SGIP1: variants seen among roughly 807,000 people sequenced by gnomAD.
The protein encoded by SGIP1 is SH3GL interacting endocytic adaptor 1.
In SGIP1, 38 loss-of-function variants were observed where a neutral mutation model predicts 107.5. That is an observed-to-expected ratio of 0.35 (90% CI 0.27 to 0.46). The LOEUF (loss-of-function observed/expected upper bound fraction) is 0.46. Ranked by LOEUF, SGIP1 falls within the 20% of genes least tolerant of loss-of-function variation. The pLI is 1.00. For synonymous variants in SGIP1, 365 were observed against 366.1 expected, an observed-to-expected ratio of 1.00 and a Z score of 0.03; for missense variants, 929 against 1,019.5, an observed-to-expected ratio of 0.91 and a Z score of 1.21.
chr1:66,720,061 T>A (rs2093446674), intron 19 of SGIP1, among the ~76,000 whole-genome samples: 1 of 152,246 alleles, frequency 6.6e-6, no homozygotes. Context: ...TTGGTCTGAA[T>A]GCATATGTGA....
rs374098261 is a variant in SGIP1, at chr1:66,608,934, C to T, written c.11-16913C>T. 4.0e-5 allele frequency among the ~76,000 whole-genome samples: 6 copies of T among 148,684 alleles called. No individual in the cohort carries two copies. The East Asian group carries it at 7.9e-4, about 19-fold the overall frequency. On this transcript the variant is annotated intron_variant, in intron 1 of 24. Transcript: ENST00000371037. ...GTAGATTAGCAAGTAAGTATTTAGTCGAGGTTTTTTTTCTCAGTAATGGAG... is the reference window on the plus strand; with the variant it reads ...GTAGATTAGCAAGTAAGTATTTAGTTGAGGTTTTTTTTCTCAGTAATGGAG...
chr1:66,742,977 C>T, intron 24 of SGIP1, 96 bp from the exon 25 acceptor site: 1 of 1,260,210 alleles, frequency 7.9e-7, no homozygotes, highest in Non-Finnish European at 1.2e-6. Context: ...TATCTGGCTC[C>T]TAGGGGTAGG....
chr1:66,712,396 A>C (rs1378736955), intron 18 of SGIP1, among the ~76,000 whole-genome samples: 1 of 152,180 alleles, frequency 6.6e-6, no homozygotes, highest in East Asian at 1.9e-4. Context: ...GAGAAAGTGC[A>C]CAGGAAGGGG....
rs1159283010 is a variant in SGIP1, at chr1:66,744,856, T to C, written c.*1761T>C. On this transcript the variant is annotated 3_prime_UTR_variant, in exon 25 of 25. Coordinates refer to ENST00000371037, the MANE Select transcript of SGIP1 (RefSeq NM_032291.4). Reference sequence around the variant, plus strand: ...TTGAAGTTTCTTTGAACGAACTAAATATACTCATTTTATGTAAAGGTATCC... The same window carrying C: ...TTGAAGTTTCTTTGAACGAACTAAACATACTCATTTTATGTAAAGGTATCC... The C allele has an allele frequency of 5.2e-5, 8 of 152,448 alleles. No individual in the cohort carries two copies. Among genetic ancestry groups the C allele is most frequent in the Non-Finnish European group, 7.4e-5 (5 of 67,920 alleles). 9.4% of individuals were successfully genotyped at this position (152,448 alleles called of 1,614,324 possible). A position where few individuals can be genotyped will look rare whatever the true frequency, so the allele number is the denominator to read the frequency against.
chr1:66,678,293 T>C (rs17129327), intron 13 of SGIP1, among the ~76,000 whole-genome samples: 10,200 of 152,192 alleles, frequency 0.067, 1,067 homozygotes, highest in African/African-American at 0.22. Context: ...ATGAATTGTT[T>C]ATGGAGGTGA....
intron 1 of SGIP1, among the ~76,000 whole-genome samples, chr1:66,537,070 C>T (rs114995638): frequency 6.6e-6 from 1 of 152,268 alleles, no homozygotes; most frequent in Non-Finnish European, 1.5e-5. Flanking sequence ...ATGTTACTAC[C>T]TCCTCAGTGA....
rs1461657516 is a variant in SGIP1 at position 66,716,011 on chromosome 1, C to G, written c.1631-3283C>G. 2.0e-5 allele frequency among the ~76,000 whole-genome samples: 3 copies of G among 152,116 alleles called. No individual in the cohort carries two copies. The East Asian group carries it at 5.8e-4, about 29-fold the overall frequency. ...TGCTAAATGCTTTGCCTCATTTTAT[C>G]CTCAGAACAGGCCTACAAAATGGGT... On this transcript the variant is annotated intron_variant, in intron 18 of 24. Coordinates refer to ENST00000371037, the MANE Select transcript of SGIP1 (RefSeq NM_032291.4).
At chr1:66,669,345 T>C (rs1369676047) in intron 9 of SGIP1, among the ~76,000 whole-genome samples, 1 of 152,142 alleles carries the variant, frequency 6.6e-6, no homozygotes, top group Non-Finnish European at 1.5e-5. Flanking sequence ...TTTGAAGGAG[T>C]AGGACAGAGG....
intron 1 of SGIP1, among the ~76,000 whole-genome samples, chr1:66,622,824 T>C (rs1342171492): frequency 1.3e-5 from 2 of 152,206 alleles, no homozygotes; most frequent in Non-Finnish European, 2.9e-5. Flanking sequence ...AAGGGACGCT[T>C]AGTTTTTGCC....
intron 7 of SGIP1, among the ~76,000 whole-genome samples, chr1:66,650,778 A>C (rs1474772210): frequency 6.6e-6 from 1 of 152,134 alleles, no homozygotes; most frequent in African/African-American, 2.4e-5. Context: ...TTTTCCTTTT[A>C]TAATGTGCTC....
chr1:66,567,034 C>T (rs2059748336), intron 1 of SGIP1, among the ~76,000 whole-genome samples: 2 of 152,108 alleles, frequency 1.3e-5, no homozygotes, highest in Non-Finnish European at 2.9e-5. Context: ...CTGCAAAGGA[C>T]ATGAGCTCAT....
intron 1 of SGIP1, among the ~76,000 whole-genome samples, chr1:66,575,780 A>G (rs1253304220): frequency 1.3e-5 from 2 of 152,230 alleles, no homozygotes. Flanking sequence ...GACACACTTC[A>G]AAGTAAATAA....
chr1:66,740,562 A>T (rs1290665946), intron 22 of SGIP1, 96 bp from the exon 23 acceptor site: 5 of 751,558 alleles, frequency 6.7e-6, no homozygotes, highest in Non-Finnish European at 9.0e-6. Context: ...TTCAAGCTCT[A>T]TTTTAAAAAA....
intron 18 of SGIP1, among the ~76,000 whole-genome samples, chr1:66,714,459 A>G (rs547421941): frequency 5.3e-5 from 8 of 152,262 alleles, no homozygotes; most frequent in African/African-American, 1.9e-4. Flanking sequence ...ATTGTTATTT[A>G]GTTTTCCATA....
chr1:66,701,346 G>C (rs1338562326), intron 18 of SGIP1, among the ~76,000 whole-genome samples: 1 of 152,044 alleles, frequency 6.6e-6, no homozygotes, highest in East Asian at 1.9e-4. Context: ...TCAATAACAG[G>C]AAAATTATTA....
chr1:66,682,491 C>G lies in SGIP1; in HGVS notation c.1315+122C>G. The G allele has an allele frequency of 2.5e-6, 3 of 1,210,110 alleles. No homozygotes were observed. In the South Asian group the frequency reaches 4.4e-5, roughly 18 times the overall value. The allele number at this position is 1,210,110 out of a possible 1,614,324, so 75.0% of individuals were successfully genotyped here. Reference sequence around the variant, plus strand: ...GAGCTTCAGCCCTCACTCCTCTAGTCTGGGTGTCCTGTGGCCCCACAGCAT... The same window carrying G: ...GAGCTTCAGCCCTCACTCCTCTAGTGTGGGTGTCCTGTGGCCCCACAGCAT... On this transcript the variant is annotated intron_variant, in intron 15 of 24. Transcript: ENST00000371037.
chr1:66,658,996 G>A (rs2149671803), intron 7 of SGIP1, among the ~76,000 whole-genome samples: 2 of 152,272 alleles, frequency 1.3e-5, no homozygotes, highest in South Asian at 4.1e-4. Flanking sequence ...ATCCAAGAGA[G>A]CCAGGAGAGT....
In SGIP1 at chr1:66,744,141, T is replaced by C. The variant is rs1443997909; in HGVS notation, c.*1046T>C. The C allele has an allele frequency of 6.6e-6, 1 of 152,178 alleles. No homozygotes were observed. The highest frequency in any genetic ancestry group is 2.4e-5 in the African/African-American group (1 of 41,460). The allele number at this position is 152,178 out of a possible 1,614,324, so 9.4% of individuals were successfully genotyped here. A position where few individuals can be genotyped will look rare whatever the true frequency, so the allele number is the denominator to read the frequency against. ...TTTAGGGAAAAAAAAGTCCACTGTT[T>C]AGATCCAGAAGGAGAGTTTTAATCA... On this transcript the variant is annotated 3_prime_UTR_variant, in exon 25 of 25. Transcript: ENST00000371037.
chr1:66,688,753 A>G (rs553622232), intron 15 of SGIP1, among the ~76,000 whole-genome samples: 1 of 152,250 alleles, frequency 6.6e-6, no homozygotes, highest in African/African-American at 2.4e-5. Flanking sequence ...TCTAACCTCC[A>G]TTTTCATCTT....
Sources: allele counts gnomAD v4.1 joint callset (sites outside exome capture counted in the v4.1 genomes callset), GRCh38; gene constraint gnomAD v4.1.1; transcripts MANE v1.5; gene names NCBI Gene and HGNC (gene_info 2026-07-23, HGNC 2026-07-21).